The following HUWE1 variants were observed in gnomAD, a reference collection of about 807,000 sequenced individuals.
HUWE1 encodes the protein HECT, UBA and WWE domain containing E3 ubiquitin protein ligase 1.
In HUWE1, 18 loss-of-function variants were observed where a neutral mutation model predicts 299.4. That is an observed-to-expected ratio of 0.06 (90% CI 0.04 to 0.09). HUWE1 has a LOEUF of 0.09. Ranked by LOEUF, HUWE1 falls within the 10% of genes least tolerant of loss-of-function variation. The pLI, the probability that HUWE1 is intolerant of heterozygous loss-of-function variation, is 1.00. For synonymous variants in HUWE1, 1,317 were observed against 1,286.1 expected (o/e 1.02, Z -0.51); for missense variants, 1,832 against 3,462.3 (o/e 0.53, Z 11.82).
chrX:53,549,647 G>GTA, intron 66 of HUWE1, 142 bp from the exon 67 acceptor site: 1 of 526,502 alleles, frequency 1.9e-6, no homozygotes, highest in East Asian at 3.6e-5. Context: ...GCTCTTCATA[G>GTA]TAACAGCTGC....
chrX:53,581,392 A>T (rs1556967613), intron 42 of HUWE1, among the ~76,000 whole-genome samples: 1 of 112,487 alleles, frequency 8.9e-6, no homozygotes, highest in Non-Finnish European at 1.9e-5. Flanking sequence ...CTTAGTGTAC[A>T]GGAACACAAT....
chrX:53,582,830 G>A (rs2063687245), intron 42 of HUWE1, among the ~76,000 whole-genome samples: 2 of 109,017 alleles, frequency 1.8e-5, no homozygotes, highest in African/African-American at 6.7e-5. Flanking sequence ...GCACCATCTC[G>A]GCTCACTGCA....
Position 53,631,037 on chromosome X carries a change from G to A in HUWE1, c.763-3C>T. On this transcript the variant is annotated splice_polypyrimidine_tract_variant and splice_region_variant and intron_variant, in intron 11 of 83. Transcript: ENST00000262854. ...CGTATGTGTGTAAATAACAGCATCT[G>A]TAGAGAGATAAGACATACATTTTAA... 9.3e-7 allele frequency: 1 copy of A among 1,077,720 alleles called. No homozygotes were observed. The highest frequency in any genetic ancestry group is 1.3e-6 in the Non-Finnish European group (1 of 773,135). 88.8% of individuals were successfully genotyped at this position (1,077,720 alleles called of 1,213,427 possible).
At chrX:53,538,264 G>GT (rs2061155089) in intron 77 of HUWE1, 73 bp downstream of exon 77, 3 of 726,712 alleles carry the variant, frequency 4.1e-6, no homozygotes, top group African/African-American at 2.1e-5. Context: ...GGCCTCAAGA[G>GT]TAACTTCAGA....
intron 3 of HUWE1, among the ~76,000 whole-genome samples, chrX:53,679,761 C>T (rs1273441935): frequency 2.7e-5 from 3 of 112,279 alleles, no homozygotes; most frequent in African/African-American, 9.7e-5. Flanking sequence ...TGAAATTTTT[C>T]GTAACTTTAA....
Position 53,657,645 on chromosome X carries a change from T to G in HUWE1, c.-24-3514A>C, listed in dbSNP as rs781818544. 5.3e-5 allele frequency among the ~76,000 whole-genome samples: 6 copies of G among 112,378 alleles called. No homozygotes were observed. In the South Asian group the frequency reaches 2.2e-3, roughly 41 times the overall value. On this transcript the variant is annotated intron_variant, in intron 3 of 83. Transcript: ENST00000262854. The stretch of plus-strand genomic sequence containing the variant: ...TGGGAAGGAAGATACAGAACTGTCT[T>G]TTTGTCAGAGATGACATGATCATAC...
At chrX:53,638,577 A>G (rs1026890814) in intron 7 of HUWE1, among the ~76,000 whole-genome samples, 1 of 111,825 alleles carries the variant, frequency 8.9e-6, no homozygotes, top group African/African-American at 3.3e-5. Context: ...AGAATTTGAT[A>G]AAAGTTTGTA....
intron 73 of HUWE1, chrX:53,542,934 TTC>T (rs1247336703): frequency 1.5e-5 from 2 of 135,548 alleles, no homozygotes; most frequent in Non-Finnish European, 2.9e-5. Flanking sequence ...TGCTCTTTGT[TTC>T]TGTTTGCTCA....
At position 53,554,833 on chromosome X, in the gene HUWE1, A is replaced by G. The variant is rs2061925962; in HGVS notation, c.8294T>C (p.Leu2765Pro). The part of the protein sequence containing the change: ...TSESKETLGT[L>P]QSSQQQPTLP... ...TGTTGGTTGCTGTTGTGAGGATTGC[A>G]GAGTGCCAAGGGTCTCCTTGGACTC... The change falls in exon 61 of 84, where the codon CTG (leucine) becomes CCG (proline). Residue 2765 changes from leucine (L) to proline (P), a missense_variant. Leu to Pro is a moderately conservative substitution (Grantham distance 98, BLOSUM62 -3). This residue lies in a region of HUWE1 where 143 missense variants were observed against 148.1 expected (regional missense o/e 0.97). Transcript: ENST00000262854. 9.1e-6 allele frequency: 11 copies of G among 1,210,524 alleles called. No homozygotes were observed. Among genetic ancestry groups the G allele is most frequent in the Middle Eastern group, 2.3e-4 (1 of 4,347 alleles).
intron 37 of HUWE1, among the ~76,000 whole-genome samples, chrX:53,587,419 G>C (rs1016824901): frequency 5.3e-5 from 6 of 112,325 alleles, no homozygotes; most frequent in African/African-American, 1.9e-4. Context: ...AAATAAATTA[G>C]AGAACATTCA....
chrX:53,583,546 A>C lies in HUWE1; in HGVS notation c.5520+12T>G. The C allele has an allele frequency of 8.9e-7, 1 of 1,129,662 alleles. No individual in the cohort carries two copies. Among genetic ancestry groups the C allele is most frequent in the Non-Finnish European group, 1.2e-6 (1 of 820,768 alleles). The allele number at this position is 1,129,662 out of a possible 1,213,427, so 93.1% of individuals were successfully genotyped here. ...TAAAGCTAAACCAGAATCTGATACA[A>C]AACACACTCACCTTTTCCATGGTAT... On this transcript the variant is annotated intron_variant, in intron 42 of 83. Coordinates refer to ENST00000262854, the MANE Select transcript of HUWE1 (RefSeq NM_031407.7).
intron 23 of HUWE1, among the ~76,000 whole-genome samples, chrX:53,611,189 A>G (rs2065440077): frequency 1.2e-5 from 1 of 80,377 alleles, no homozygotes; most frequent in Non-Finnish European, 2.5e-5. Flanking sequence ...CTGATTTTGT[A>G]AAAAAAAAAA....
chrX:53,654,410 C>CAA (rs2068650372), intron 3 of HUWE1, among the ~76,000 whole-genome samples: 2 of 111,851 alleles, frequency 1.8e-5, no homozygotes, highest in African/African-American at 6.5e-5. Context: ...ATCTCAAACT[C>CAA]TTAATTGAAA....
Position 53,671,718 on chromosome X carries a change from C to CG in HUWE1, c.-25+8330dup, listed in dbSNP as rs782255592. On this transcript the variant is annotated intron_variant, in intron 3 of 83. Coordinates refer to ENST00000262854, the MANE Select transcript of HUWE1 (RefSeq NM_031407.7). ...TGAGGCAGGAGAATGGCGTGAACCC[C>CG]GGGGGGCGGAGCCTGCAGTGAGCCG... 7.0e-3 allele frequency among the ~76,000 whole-genome samples: 673 copies of CG among 95,995 alleles called. 7 individuals are homozygous for CG. Among genetic ancestry groups the CG allele is most frequent in the African/African-American group, 0.023 (640 of 27,376 alleles). The allele number at this position is 95,995 out of a possible 115,157, so 83.4% of individuals were successfully genotyped here. A position where few individuals can be genotyped will look rare whatever the true frequency, so the allele number is the denominator to read the frequency against.
chrX:53,653,940 T>TG, intron 4 of HUWE1, 123 bp downstream of exon 4: 1 of 508,788 alleles, frequency 2.0e-6, no homozygotes. Flanking sequence ...AGACAAGTTG[T>TG]TGTTTTACTG....
intron 3 of HUWE1, among the ~76,000 whole-genome samples, chrX:53,659,870 T>A (rs371864645): frequency 8.9e-6 from 1 of 111,917 alleles, no homozygotes. Flanking sequence ...AAGTCTATTT[T>A]AAAAAAACAA....
intron 21 of HUWE1, among the ~76,000 whole-genome samples, chrX:53,616,226 T>C (rs1310725204): frequency 9.1e-6 from 1 of 109,785 alleles, no homozygotes; most frequent in Non-Finnish European, 1.9e-5. Context: ...ATTTTTTTCC[T>C]ATTTTTTTTT....
chrX:53,596,262 A>G (rs782168199), intron 29 of HUWE1, among the ~76,000 whole-genome samples: 27 of 111,635 alleles, frequency 2.4e-4, no homozygotes, highest in Non-Finnish European at 4.3e-4. Context: ...TTTTTTCAAT[A>G]GATATACTGA....
At chrX:53,618,105 T>C (rs1002930467) in intron 19 of HUWE1, among the ~76,000 whole-genome samples, 4 of 111,729 alleles carry the variant, frequency 3.6e-5, no homozygotes, top group African/African-American at 9.8e-5. Flanking sequence ...CAAGAGGAAA[T>C]AGTACAGCAT....
Sources: gnomAD v4.1 joint callset for allele counts (sites outside exome capture counted in the v4.1 genomes callset) on GRCh38, gnomAD v4.1.1 for gene constraint, gnomAD v4.1.1 regional missense constraint, MANE v1.5 for transcripts, NCBI Gene and HGNC (gene_info 2026-07-23, HGNC 2026-07-21) for gene names.